ROBO1: variants seen among roughly 807,000 people sequenced by gnomAD.
The protein encoded by ROBO1 is roundabout guidance receptor 1, also known as roundabout homolog 1.
Under a neutral mutation model 195.9 loss-of-function variants are expected in ROBO1, and 149 were observed. The observed-to-expected ratio is 0.76, with a 90% CI of 0.67 to 0.87. The LOEUF (loss-of-function observed/expected upper bound fraction) is 0.87, where lower values mean the gene tolerates loss of function less well. Among genes scored for constraint, ROBO1 ranks in the 40% least tolerant of loss-of-function variants. The pLI, the probability that ROBO1 is intolerant of heterozygous loss-of-function variation, is 0.00. For synonymous variants in ROBO1, 816 were observed against 733.2 expected (o/e 1.11, Z -1.82); for missense variants, 1,933 against 2,068.3 (o/e 0.93, Z 1.27).
At chr3:78,969,367 A>T (rs2107899421) in intron 3 of ROBO1, among the ~76,000 whole-genome samples, 1 of 152,312 alleles carries the variant, frequency 6.6e-6, no homozygotes, top group South Asian at 2.1e-4. Flanking sequence ...ACAAACAAAA[A>T]GAATACTTAA....
At chr3:79,582,962 G>A (rs1943706545) in intron 2 of ROBO1, among the ~76,000 whole-genome samples, 2 of 151,928 alleles carry the variant, frequency 1.3e-5, no homozygotes, top group Admixed American at 1.3e-4. Context: ...AAATATGAGT[G>A]TTTCAATGGT....
rs190267202 is a variant in ROBO1, at chr3:78,784,891, T to A, written c.500-37991A>T. On this transcript the variant is annotated intron_variant, in intron 4 of 30. Transcript: ENST00000464233. ...CATTTTCTCACCTTTAATGTGAACA[T>A]GTTCATCTAGATGACTACTAACTTC... is the stretch of plus-strand genomic sequence containing the variant. Among the ~76,000 whole-genome samples the A allele has an allele frequency of 2.2e-3, 341 of 152,312 alleles. 10 individuals carry two copies. The highest frequency in any genetic ancestry group is 3.1e-4 in the Non-Finnish European group (21 of 68,026).
At chr3:79,215,688 G>A (rs1328294109) in intron 2 of ROBO1, among the ~76,000 whole-genome samples, 1 of 152,196 alleles carries the variant, frequency 6.6e-6, no homozygotes, top group Non-Finnish European at 1.5e-5. Flanking sequence ...TCTGATTGGT[G>A]AGCATGTGGG....
At position 79,053,381 on chromosome 3, in the gene ROBO1, T is replaced by C. The variant is rs563140027; in HGVS notation, c.172+72075A>G. 1.2e-3 allele frequency among the ~76,000 whole-genome samples: 187 copies of C among 152,070 alleles called. 1 individual carries two copies. The highest frequency in any genetic ancestry group is 2.4e-3 in the Non-Finnish European group (162 of 67,998). On this transcript the variant is annotated intron_variant, in intron 3 of 30. Transcript: ENST00000464233. ...CCCCCAATGACCTTATTTCTTTTCA[T>C]GAAGAGCTGGTACTTGTAGTTCCCA...
At chr3:79,519,289 T>A (rs1941091165) in intron 2 of ROBO1, among the ~76,000 whole-genome samples, 1 of 152,088 alleles carries the variant, frequency 6.6e-6, no homozygotes, top group Non-Finnish European at 1.5e-5. Context: ...GGTCAAAGCA[T>A]GTCACGTGGC....
At chr3:79,480,824 G>A (rs917188986) in intron 2 of ROBO1, among the ~76,000 whole-genome samples, 4 of 151,982 alleles carry the variant, frequency 2.6e-5, no homozygotes, top group African/African-American at 4.8e-5. Flanking sequence ...ACTATGGTTC[G>A]TTTGTCTTTA....
intron 4 of ROBO1, among the ~76,000 whole-genome samples, chr3:78,753,963 T>C (rs555767610): frequency 6.6e-6 from 1 of 152,328 alleles, no homozygotes; most frequent in South Asian, 2.1e-4. Context: ...CATCATTTTA[T>C]ACAGTAATAT....
chr3:79,738,349 A>G (rs946868440), intron 1 of ROBO1, among the ~76,000 whole-genome samples: 3 of 152,194 alleles, frequency 2.0e-5, no homozygotes, highest in Non-Finnish European at 1.5e-5. Context: ...TAAAATCTGA[A>G]TTTTTATCTA....
chr3:79,609,843 G>A (rs1285667297), intron 1 of ROBO1, among the ~76,000 whole-genome samples: 2 of 151,786 alleles, frequency 1.3e-5, no homozygotes, highest in Non-Finnish European at 2.9e-5. Context: ...CAGGAGTTGA[G>A]GGAAGAAGAA....
intron 4 of ROBO1, among the ~76,000 whole-genome samples, chr3:78,893,155 G>T (rs538056805): frequency 2.0e-5 from 3 of 152,284 alleles, no homozygotes; most frequent in African/African-American, 7.2e-5. Flanking sequence ...CATGTATTGT[G>T]CTGTGGTTTG....
At chr3:79,569,234 C>T (rs572886684) in intron 2 of ROBO1, among the ~76,000 whole-genome samples, 2 of 152,276 alleles carry the variant, frequency 1.3e-5, no homozygotes, top group South Asian at 2.1e-4. Context: ...CTTAAACTAA[C>T]GCTGTCAAAG....
At chr3:78,601,772 ATGAAAC>A (rs1007502354) in intron 29 of ROBO1, among the ~76,000 whole-genome samples, 5 of 152,226 alleles carry the variant, frequency 3.3e-5, no homozygotes, top group African/African-American at 1.2e-4. Flanking sequence ...CATCACTACT[ATGAAAC>A]TGAGAAAATT....
intron 3 of ROBO1, among the ~76,000 whole-genome samples, chr3:78,957,085 C>T (rs2041084146): frequency 6.6e-6 from 1 of 151,972 alleles, no homozygotes; most frequent in Non-Finnish European, 1.5e-5. Context: ...AAGTGTGTGT[C>T]GTTTCTAAAT....
At chr3:78,664,742 C>A (rs932975338) in intron 14 of ROBO1, among the ~76,000 whole-genome samples, 3 of 152,176 alleles carry the variant, frequency 2.0e-5, no homozygotes, top group Non-Finnish European at 4.4e-5. Flanking sequence ...TATGCCTGCT[C>A]CCTTATGAAT....
At chr3:79,726,747 G>A (rs947515484) in intron 1 of ROBO1, among the ~76,000 whole-genome samples, 1 of 152,018 alleles carries the variant, frequency 6.6e-6, no homozygotes, top group East Asian at 1.9e-4. Context: ...CTCATGAGGC[G>A]AAAAAATACA....
chr3:79,260,552 T>C (rs2082921056), intron 2 of ROBO1, among the ~76,000 whole-genome samples: 1 of 152,174 alleles, frequency 6.6e-6, no homozygotes, highest in South Asian at 2.1e-4. Flanking sequence ...TCACTACAAG[T>C]TTTAACTGAG....
chr3:79,233,288 A>G (rs987418693), intron 2 of ROBO1, among the ~76,000 whole-genome samples: 1 of 152,054 alleles, frequency 6.6e-6, no homozygotes, highest in African/African-American at 2.4e-5. Context: ...CTTTGGGTGA[A>G]GTGAAAAAAT....
chr3:78,917,445 A>C (rs1028296800), intron 4 of ROBO1, among the ~76,000 whole-genome samples: 1 of 152,182 alleles, frequency 6.6e-6, no homozygotes, highest in African/African-American at 2.4e-5. Context: ...TTTTTGAAAT[A>C]ATTATGAAAA....
chr3:78,912,570 G>C (rs567896558), intron 4 of ROBO1, among the ~76,000 whole-genome samples: 1 of 152,274 alleles, frequency 6.6e-6, no homozygotes, highest in South Asian at 2.1e-4. Context: ...GGGTGTTAAA[G>C]CTGAGTCTCA....
Sources: allele counts gnomAD v4.1 joint callset (sites outside exome capture counted in the v4.1 genomes callset), GRCh38; gene constraint gnomAD v4.1.1; transcripts MANE v1.5; gene names NCBI Gene and HGNC (gene_info 2026-07-23, HGNC 2026-07-21).